The following CDH18 variants were observed in gnomAD, a reference collection of about 807,000 sequenced individuals.
The protein encoded by CDH18 is cadherin 18, also known as cadherin-18.
A neutral mutation model predicts 67.9 loss-of-function variants in CDH18; 31 were observed. The ratio of observed to expected loss-of-function variants is 0.46; its 90% CI spans 0.34 to 0.62. The LOEUF (loss-of-function observed/expected upper bound fraction) is 0.62. Ranked by LOEUF, CDH18 falls within the 20% of genes least tolerant of loss-of-function variation. The pLI, the probability that CDH18 is intolerant of heterozygous loss-of-function variation, is 0.01. For synonymous variants in CDH18, 362 were observed against 347.2 expected (o/e 1.04, Z -0.48); for missense variants, 890 against 975.5 (o/e 0.91, Z 1.17).
chr5:19,677,483 A>G (rs2150371016), intron 5 of CDH18, among the ~76,000 whole-genome samples: 1 of 152,224 alleles, frequency 6.6e-6, no homozygotes, highest in South Asian at 2.1e-4. Context: ...GTCCATTGAT[A>G]CTATAAAGCA....
chr5:19,681,422 A>G (rs536981028), intron 5 of CDH18, among the ~76,000 whole-genome samples: 1 of 152,028 alleles, frequency 6.6e-6, no homozygotes, highest in Non-Finnish European at 1.5e-5. Context: ...CTTTTAGTTG[A>G]ATAGTTTTAT....
At chr5:19,721,172 T>C (rs942028452) in intron 5 of CDH18, among the ~76,000 whole-genome samples, 175 bp downstream of exon 5, 7 of 152,234 alleles carry the variant, frequency 4.6e-5, no homozygotes, top group Admixed American at 1.3e-4. Context: ...ATAATATATG[T>C]ACATTAATTT....
chr5:20,358,275 A>G (rs1304843575), intron 1 of CDH18, among the ~76,000 whole-genome samples: 1 of 152,186 alleles, frequency 6.6e-6, no homozygotes, highest in Non-Finnish European at 1.5e-5. Flanking sequence ...ACCATGTAAC[A>G]AATCTGCACA....
chr5:19,928,367 A>G (rs923024164), intron 2 of CDH18, among the ~76,000 whole-genome samples: 16 of 152,196 alleles, frequency 1.1e-4, no homozygotes, highest in Non-Finnish European at 4.4e-5. Flanking sequence ...AGAAAGCATT[A>G]TACAAAAACT....
chr5:20,541,723 A>C (rs1757058176), intron 1 of CDH18, among the ~76,000 whole-genome samples: 1 of 152,230 alleles, frequency 6.6e-6, no homozygotes, highest in African/African-American at 2.4e-5. Flanking sequence ...AAAAAATTTA[A>C]GCAGCACCTC....
chr5:20,472,209 G>T (rs1752139833), intron 1 of CDH18, among the ~76,000 whole-genome samples: 1 of 152,166 alleles, frequency 6.6e-6, no homozygotes. Context: ...AAATTTCATG[G>T]ACATGAGGTT....
intron 3 of CDH18, among the ~76,000 whole-genome samples, chr5:19,828,343 T>C (rs1272381651): frequency 6.6e-6 from 1 of 151,476 alleles, no homozygotes; most frequent in Non-Finnish European, 1.5e-5. Flanking sequence ...TTGAGAAGGA[T>C]GGACTTCTCC....
chr5:20,162,769 T>C (rs201601876), intron 2 of CDH18, among the ~76,000 whole-genome samples: 1 of 151,800 alleles, frequency 6.6e-6, no homozygotes, highest in Non-Finnish European at 1.5e-5. Context: ...AATAAAGAAA[T>C]AAAATTTGGC....
chr5:19,689,218 G>T (rs1761517207), intron 5 of CDH18, among the ~76,000 whole-genome samples: 1 of 151,878 alleles, frequency 6.6e-6, no homozygotes, highest in Non-Finnish European at 1.5e-5. Flanking sequence ...GTTTTTCATG[G>T]CACATTATAG....
At chr5:19,941,894 A>C (rs551239144) in intron 2 of CDH18, among the ~76,000 whole-genome samples, 10 of 152,158 alleles carry the variant, frequency 6.6e-5, no homozygotes, top group Non-Finnish European at 1.2e-4. Flanking sequence ...TCATAAATGA[A>C]GCTAGTTGAA....
chr5:20,078,421 C>T (rs2150536496), intron 2 of CDH18, among the ~76,000 whole-genome samples: 1 of 151,912 alleles, frequency 6.6e-6, no homozygotes, highest in Non-Finnish European at 1.5e-5. Context: ...CGAGATCACG[C>T]CATTGCACTC....
chr5:19,729,989 T>G (rs1369213530), intron 4 of CDH18, among the ~76,000 whole-genome samples: 2 of 152,058 alleles, frequency 1.3e-5, no homozygotes, highest in Non-Finnish European at 2.9e-5. Flanking sequence ...CCTTTCTGTC[T>G]CTCTCTCCCT....
intron 5 of CDH18, among the ~76,000 whole-genome samples, chr5:19,681,776 C>A (rs1276768651): frequency 6.6e-6 from 1 of 151,750 alleles, no homozygotes; most frequent in Non-Finnish European, 1.5e-5. Context: ...TTACCCTAAC[C>A]TGTTATAGAA....
chr5:19,539,401 G>A (rs1330391367), intron 9 of CDH18, among the ~76,000 whole-genome samples: 6 of 152,106 alleles, frequency 3.9e-5, no homozygotes, highest in Non-Finnish European at 8.8e-5. Flanking sequence ...TTATTTTGGT[G>A]ATGACTGCAA....
At chr5:20,063,118 C>G (rs1441691912) in intron 2 of CDH18, among the ~76,000 whole-genome samples, 1 of 149,592 alleles carries the variant, frequency 6.7e-6, no homozygotes, top group African/African-American at 2.4e-5. Flanking sequence ...AATGTTTTGG[C>G]CTATTTTTCA....
intron 5 of CDH18, among the ~76,000 whole-genome samples, chr5:19,667,581 T>G (rs1758149825): frequency 6.8e-6 from 1 of 148,094 alleles, no homozygotes; most frequent in East Asian, 2.0e-4. Context: ...ACCACAGGAG[T>G]AACATTCAAA....
At position 19,721,480 on chromosome 5, in the gene CDH18, A is replaced by G. The variant is rs373223580; in HGVS notation, c.524-14T>C. 2.0e-5 allele frequency: 32 copies of G among 1,600,262 alleles called. No homozygotes were observed. Among genetic ancestry groups the G allele is most frequent in the Non-Finnish European group, 2.6e-5 (30 of 1,172,396 alleles). On this transcript the variant is annotated splice_polypyrimidine_tract_variant and intron_variant, in intron 4 of 12. Coordinates refer to ENST00000382275, the MANE Select transcript of CDH18 (RefSeq NM_004934.5). The stretch of plus-strand genomic sequence containing the variant: ...GAACAGAGGTACCTGTGCATTCAGG[A>G]AAACAAATTTTAGTGTGTGATGGCA...
chr5:20,539,900 T>C (rs1400366285), intron 1 of CDH18, among the ~76,000 whole-genome samples: 1 of 152,160 alleles, frequency 6.6e-6, no homozygotes, highest in Non-Finnish European at 1.5e-5. Context: ...GAGAAGTTAT[T>C]TAACTTATTT....
intron 1 of CDH18, among the ~76,000 whole-genome samples, chr5:20,516,564 C>A (rs896257076): frequency 3.2e-4 from 48 of 151,906 alleles, no homozygotes; most frequent in African/African-American, 1.2e-3. Flanking sequence ...CAGAAGTTTG[C>A]AAGCAGTATC....
Sources: allele counts gnomAD v4.1 joint callset (sites outside exome capture counted in the v4.1 genomes callset), GRCh38; gene constraint gnomAD v4.1.1; transcripts MANE v1.5; gene names NCBI Gene and HGNC (gene_info 2026-07-23, HGNC 2026-07-21).